The following PANK2 variants were observed in gnomAD, a reference collection of about 807,000 sequenced individuals.
PANK2 encodes pantothenate kinase 2, mitochondrial.
Under a neutral mutation model 43.1 loss-of-function variants are expected in PANK2, and 36 were observed. The observed-to-expected ratio is 0.84, with a 90% CI of 0.64 to 1.10. The LOEUF is 1.10. PANK2 is among the 50% of genes least tolerant of loss of function. The pLI is 0.00. For missense variants in PANK2, 576 were observed against 593.3 expected (o/e 0.97, Z 0.30); for synonymous variants, 281 against 238.2 (o/e 1.18, Z -1.66).
intron 5 of PANK2, 81 bp from the exon 6 acceptor site, chr20:3,918,590 C>G: frequency 1.9e-6 from 3 of 1,577,026 alleles, no homozygotes; most frequent in Non-Finnish European, 2.6e-6. Flanking sequence ...GAGCTATGCA[C>G]ATGGTGCTGT....
chr20:3,913,771 C>CAT (rs1244183100), intron 4 of PANK2, among the ~76,000 whole-genome samples: 241 of 91,930 alleles, frequency 2.6e-3, no homozygotes, highest in African/African-American at 4.7e-3. Context: ...CACACACACA[C>CAT]ACACATATAT....
chr20:3,903,612 G>A (rs1255970330), intron 1 of PANK2, among the ~76,000 whole-genome samples: 2 of 149,282 alleles, frequency 1.3e-5, no homozygotes, highest in Non-Finnish European at 3.0e-5. Flanking sequence ...ATTTCAGCGC[G>A]TTCCACCACG....
chr20:3,889,388 C>T lies in PANK2; in HGVS notation c.-43C>T, dbSNP rs760598249. On this transcript the variant is annotated 5_prime_UTR_variant, in exon 1 of 7. Transcript: ENST00000610179. Reference sequence around the variant, plus strand: ...GCGGCCGGCCGAGGGCGCGCCTCTGCTCTGGCTGGACTGCCGCGGAGGAGG... The same window carrying T: ...GCGGCCGGCCGAGGGCGCGCCTCTGTTCTGGCTGGACTGCCGCGGAGGAGG... 1.9e-6 allele frequency: 3 copies of T among 1,575,478 alleles called. No individual in the cohort carries two copies. Among genetic ancestry groups the T allele is most frequent in the African/African-American group, 1.3e-5 (1 of 74,320 alleles).
chr20:3,909,515 G>A (rs1002307544), intron 2 of PANK2, among the ~76,000 whole-genome samples: 4 of 152,190 alleles, frequency 2.6e-5, no homozygotes, highest in African/African-American at 9.7e-5. Context: ...ACAGGTGTGA[G>A]CCACCGTTCC....
At chr20:3,891,027 GC>G (rs1394293545) in intron 1 of PANK2, among the ~76,000 whole-genome samples, 2 of 152,108 alleles carry the variant, frequency 1.3e-5, no homozygotes, top group Non-Finnish European at 2.9e-5. Flanking sequence ...ATAGCCATTA[GC>G]CACAAGGGTT....
intron 4 of PANK2, among the ~76,000 whole-genome samples, chr20:3,914,352 G>A (rs575193331): frequency 6.6e-6 from 1 of 152,024 alleles, no homozygotes; most frequent in Non-Finnish European, 1.5e-5. Context: ...GTCTCGCCCT[G>A]TTGCCCACAT....
chr20:3,899,041 A>AT (rs1203062128), intron 1 of PANK2, among the ~76,000 whole-genome samples: 1 of 151,464 alleles, frequency 6.6e-6, no homozygotes, highest in African/African-American at 2.4e-5. Context: ...CACCTGGCTA[A>AT]TTTTTTATAT....
intron 1 of PANK2, 168 bp downstream of exon 1, chr20:3,889,896 G>T (rs1333822518): frequency 6.5e-7 from 1 of 1,532,502 alleles, no homozygotes; most frequent in Non-Finnish European, 8.7e-7. Flanking sequence ...CGGGTGCTCC[G>T]AAAGCGGTAC....
chr20:3,901,733 T>C (rs2090305294), intron 1 of PANK2: 1 of 396,614 alleles, frequency 2.5e-6, no homozygotes, highest in Non-Finnish European at 3.4e-6. Context: ...TTTAAAATTA[T>C]GGCATTCATC....
Position 3,923,236 on chromosome 20 carries a change from T to C in PANK2, c.1333-8T>C, listed in dbSNP as rs2090674323. 2 of 1,614,168 alleles carry C rather than the reference T, an allele frequency of 1.2e-6. No homozygotes were observed. The highest frequency in any genetic ancestry group is 1.7e-6 in the Non-Finnish European group (2 of 1,179,992). On this transcript the variant is annotated splice_region_variant and splice_polypyrimidine_tract_variant and intron_variant, in intron 6 of 6. Coordinates refer to ENST00000610179, the MANE Select transcript of PANK2 (RefSeq NM_001386393.1). ...AATTGCACTTATTTTTGGTGTATTT[T>C]CTTTCAGGGTTATTTTGGAGCTGTT... is the stretch of plus-strand genomic sequence containing the variant.
At chr20:3,891,156 C>T (rs1238584417) in intron 1 of PANK2, 1 of 152,132 alleles carries the variant, frequency 6.6e-6, no homozygotes, top group Non-Finnish European at 1.5e-5. Flanking sequence ...CTCAAGCCAT[C>T]CTCCTGCTTC....
chr20:3,907,277 T>G (rs1175397435), intron 1 of PANK2, among the ~76,000 whole-genome samples: 1 of 151,866 alleles, frequency 6.6e-6, no homozygotes, highest in East Asian at 1.9e-4. Flanking sequence ...AATTTTTGTT[T>G]TAGTAGAGAT....
chr20:3,889,409 G>A lies in PANK2; in HGVS notation c.-22G>A. The A allele has an allele frequency of 6.4e-7, 1 of 1,572,710 alleles. No individual in the cohort carries two copies. The highest frequency in any genetic ancestry group is 1.2e-5 in the South Asian group (1 of 86,762). On this transcript the variant is annotated 5_prime_UTR_variant, in exon 1 of 7. Transcript: ENST00000610179. ...TCTGCTCTGGCTGGACTGCCGCGGA[G>A]GAGGCGAGAAGGAATCCGACGCTGG...
intron 4 of PANK2, among the ~76,000 whole-genome samples, chr20:3,913,760 G>GCA (rs766867978): frequency 0.017 from 2,252 of 129,894 alleles, 49 homozygotes; most frequent in Admixed American, 0.06. Flanking sequence ...TTGTATGTAT[G>GCA]CACACACACA....
At chr20:3,899,769 G>C (rs1423485753) in intron 1 of PANK2, among the ~76,000 whole-genome samples, 1 of 142,130 alleles carries the variant, frequency 7.0e-6, no homozygotes, top group Non-Finnish European at 1.5e-5. Flanking sequence ...ATGCAGTGCT[G>C]CGATCTTGGC....
intron 1 of PANK2, among the ~76,000 whole-genome samples, chr20:3,904,936 G>A (rs1418903120): frequency 2.6e-5 from 4 of 152,156 alleles, no homozygotes; most frequent in Non-Finnish European, 5.9e-5. Context: ...AGTTGGTCAG[G>A]ATTGATTTTA....
intron 4 of PANK2, among the ~76,000 whole-genome samples, chr20:3,913,662 A>C (rs2090505809): frequency 6.7e-6 from 1 of 149,904 alleles, no homozygotes; most frequent in African/African-American, 2.5e-5. Flanking sequence ...TACGTGGATA[A>C]TACTACATTT....
In PANK2 at chr20:3,891,978, A is replaced by AC. The variant is rs2090129855; in HGVS notation, c.298+2251dup. On this transcript the variant is annotated intron_variant, in intron 1 of 6. Coordinates refer to ENST00000610179, the MANE Select transcript of PANK2 (RefSeq NM_001386393.1). Reference sequence around the variant, plus strand: ...AGTATAAGACCTGCTAAAGGAATGAACAGGATACTGATTGTTCTTCCTTCC... The same window carrying AC: ...AGTATAAGACCTGCTAAAGGAATGAACCAGGATACTGATTGTTCTTCCTTCC... Among the ~76,000 whole-genome samples the AC allele has an allele frequency of 3.9e-5, 6 of 152,316 alleles. No individual in the cohort carries two copies. The South Asian group carries it at 1.2e-3, about 32-fold the overall frequency.
At chr20:3,923,116 C>T in intron 6 of PANK2, 128 bp from the exon 7 acceptor site, 1 of 1,104,158 alleles carries the variant, frequency 9.1e-7, no homozygotes, top group East Asian at 2.4e-5. Flanking sequence ...CTTGGCCCTT[C>T]TGGGGTGCTC....
Sources: gnomAD v4.1 joint callset for allele counts (sites outside exome capture counted in the v4.1 genomes callset) on GRCh38, gnomAD v4.1.1 for gene constraint, MANE v1.5 for transcripts, NCBI Gene and HGNC (gene_info 2026-07-23, HGNC 2026-07-21) for gene names.